The following NEO1 variants were observed in gnomAD, a reference collection of about 807,000 sequenced individuals.
NEO1 encodes the protein neogenin.
In NEO1, 63 loss-of-function variants were observed where a neutral mutation model predicts 159.7. That is an observed-to-expected ratio of 0.39 (90% CI 0.32 to 0.49). The LOEUF is 0.49. NEO1 is among the 20% of genes least tolerant of loss of function. The pLI, the probability that NEO1 is intolerant of heterozygous loss-of-function variation, is 0.85. For missense variants in NEO1, 1,615 were observed against 1,831.0 expected (o/e 0.88, Z 2.15); for synonymous variants, 633 against 662.0 (o/e 0.96, Z 0.67).
At chr15:73,119,080 T>C (rs74893085) in intron 2 of NEO1, among the ~76,000 whole-genome samples, 1,637 of 152,238 alleles carry the variant, frequency 0.011, 32 homozygotes, top group African/African-American at 0.037. Flanking sequence ...CCATATGACC[T>C]AGCAGTTCCA....
chr15:73,292,673 G>A (rs1044586047), intron 25 of NEO1, among the ~76,000 whole-genome samples: 3 of 152,212 alleles, frequency 2.0e-5, no homozygotes, highest in Admixed American at 6.5e-5. Context: ...AGTGTGGGAA[G>A]GAAAGAGCCA....
intron 5 of NEO1, among the ~76,000 whole-genome samples, chr15:73,140,753 C>G (rs956633859): frequency 1.3e-5 from 2 of 152,122 alleles, no homozygotes; most frequent in African/African-American, 4.8e-5. Flanking sequence ...GGCAAATTAT[C>G]AGCAATGAAT....
chr15:73,106,482 C>CTG (rs1166217055), intron 1 of NEO1, among the ~76,000 whole-genome samples: 1 of 152,136 alleles, frequency 6.6e-6, no homozygotes, highest in Non-Finnish European at 1.5e-5. Context: ...ATTCTACATT[C>CTG]TGTGTGTGTG....
intron 22 of NEO1, among the ~76,000 whole-genome samples, chr15:73,278,542 G>A (rs1303902983): frequency 6.6e-6 from 1 of 152,174 alleles, no homozygotes; most frequent in East Asian, 1.9e-4. Context: ...AATGCTTTTA[G>A]AATCATTAAG....
intron 7 of NEO1, among the ~76,000 whole-genome samples, chr15:73,216,779 T>G (rs2037912980): frequency 1.3e-5 from 2 of 152,202 alleles, no homozygotes; most frequent in African/African-American, 4.8e-5. Context: ...TTGATGGGGT[T>G]GTTTTTTTCT....
At chr15:73,288,771 A>G (rs1460256831) in intron 24 of NEO1, among the ~76,000 whole-genome samples, 1 of 152,138 alleles carries the variant, frequency 6.6e-6, no homozygotes, top group Non-Finnish European at 1.5e-5. Context: ...CAGATCTTTT[A>G]GGTCTCTCAT....
rs571063467 is a variant in NEO1, at chr15:73,235,913, T to C, written c.1292-434T>C. On this transcript the variant is annotated intron_variant, in intron 7 of 28. Coordinates refer to ENST00000261908, the MANE Select transcript of NEO1 (RefSeq NM_002499.4). ...AGTGAAGTCTTGTCATTTGCAAGACTTTTATGCAAAGTTTGACAGATGTTG... is the reference window on the plus strand; with the variant it reads ...AGTGAAGTCTTGTCATTTGCAAGACCTTTATGCAAAGTTTGACAGATGTTG... Among the ~76,000 whole-genome samples, 7 of 152,344 alleles carry C rather than the reference T, an allele frequency of 4.6e-5. No individual in the cohort carries two copies. The East Asian group carries it at 1.3e-3, about 29-fold the overall frequency.
chr15:73,082,258 A>G (rs1004112603), intron 1 of NEO1, among the ~76,000 whole-genome samples: 6 of 152,188 alleles, frequency 3.9e-5, no homozygotes, highest in Non-Finnish European at 8.8e-5. Context: ...CTCTTTAGAT[A>G]TGTAACATTT....
chr15:73,088,574 A>G (rs986050105), intron 1 of NEO1, among the ~76,000 whole-genome samples: 1 of 152,150 alleles, frequency 6.6e-6, no homozygotes, highest in Non-Finnish European at 1.5e-5. Flanking sequence ...AATTCAATTT[A>G]TAGAAAAGGG....
chr15:73,111,213 A>G (rs2070968073), intron 1 of NEO1, among the ~76,000 whole-genome samples: 1 of 152,324 alleles, frequency 6.6e-6, no homozygotes, highest in Middle Eastern at 3.4e-3. Flanking sequence ...TGGGCACACA[A>G]GCATCTGTAC....
At position 73,052,731 on chromosome 15, in the gene NEO1, A is replaced by C. The variant is rs1385747914; in HGVS notation, c.56A>C (p.Tyr19Ser). The change falls in exon 1 of 29, where the codon TAC (tyrosine) becomes TCC (serine). Residue 19 changes from tyrosine to serine, a missense_variant. Tyr to Ser is a moderately radical substitution (Grantham distance 144). Around this residue, in one of 3 missense-constraint regions of NEO1, gnomAD observed 1,018 missense variants for 1,115.4 expected, o/e 0.91. Coordinates refer to ENST00000261908, the MANE Select transcript of NEO1 (RefSeq NM_002499.4). ...RLLSTPSFWL[Y>S]CLLLLGRRAP... ...CTCAGCACCCCCTCCTTCTGGCTCT[A>C]CTGCCTGCTGCTGCTCGGGCGCCGG... is the stretch of plus-strand genomic sequence containing the variant. 2 of 1,332,656 alleles carry C rather than the reference A, an allele frequency of 1.5e-6. No individual in the cohort carries two copies. The highest frequency in any genetic ancestry group is 3.5e-5 in the East Asian group (1 of 28,370). The allele number at this position is 1,332,656 out of a possible 1,614,324, so 82.6% of individuals were successfully genotyped here.
At chr15:73,185,406 C>T (rs952124220) in intron 7 of NEO1, among the ~76,000 whole-genome samples, 4 of 151,776 alleles carry the variant, frequency 2.6e-5, no homozygotes, top group Non-Finnish European at 5.9e-5. Context: ...ACCTTATGCT[C>T]AGTTTTGCAA....
Position 73,298,564 on chromosome 15 carries a change from C to T in NEO1, c.4118C>T (p.Pro1373Leu). 1 of 1,614,196 alleles carries T rather than the reference C, an allele frequency of 6.2e-7. No homozygotes were observed. The highest frequency in any genetic ancestry group is 8.5e-7 in the Non-Finnish European group (1 of 1,180,048). ...CCAGCAATCCCGCCTCCAGGACCTCCCACCTATGATCCTGCATTGCCAAGC... is the reference window on the plus strand; with the variant it reads ...CCAGCAATCCCGCCTCCAGGACCTCTCACCTATGATCCTGCATTGCCAAGC... Reference protein sequence around the residue: ...AVPAIPPPGPPTYDPALPSTP... With the variant: ...AVPAIPPPGPLTYDPALPSTP... The change falls in exon 27 of 29, where the codon CCC becomes CTC. Residue 1373 changes from proline to leucine, a missense_variant. By Grantham distance (98) the Pro-to-Leu change is moderately conservative. Transcript: ENST00000261908.
Position 73,278,170 on chromosome 15 carries a change from T to C in NEO1, c.3233T>C (p.Leu1078Pro). 8 of 1,613,322 alleles carry C rather than the reference T, an allele frequency of 5.0e-6. No individual in the cohort carries two copies. Among genetic ancestry groups the C allele is most frequent in the Non-Finnish European group, 6.8e-6 (8 of 1,179,374 alleles). Residue 1078 changes from leucine to proline, a missense_variant, in exon 22 of 29, where the codon CTA (leucine) becomes CCA (proline). Physicochemically the swap from Leu to Pro is moderately conservative, Grantham distance 98. Transcript: ENST00000261908. ...GGGAAAGGAAGCCGGCTGCCAGACC[T>C]AGGATCCGACTACAAACCTCCAATG... ...SGGKGSRLPD[L>P]GSDYKPPMSG...
At chr15:73,164,078 A>G (rs151212003) in intron 5 of NEO1, among the ~76,000 whole-genome samples, 2,079 of 147,350 alleles carry the variant, frequency 0.014, 43 homozygotes, top group African/African-American at 0.05. Flanking sequence ...CCCAGGCTGG[A>G]GTGCAGTGGT....
intron 1 of NEO1, among the ~76,000 whole-genome samples, chr15:73,073,011 T>C (rs1480182143): frequency 6.6e-6 from 1 of 152,136 alleles, no homozygotes; most frequent in Non-Finnish European, 1.5e-5. Context: ...ATGCGTTTAA[T>C]TTTGGACATT....
intron 7 of NEO1, among the ~76,000 whole-genome samples, chr15:73,186,171 A>G (rs1187508044): frequency 1.5e-5 from 2 of 133,578 alleles, no homozygotes; most frequent in East Asian, 2.0e-4. Context: ...TTTTTGCCAG[A>G]AAAAAAAAAA....
chr15:73,059,112 A>G (rs1039343170), intron 1 of NEO1, among the ~76,000 whole-genome samples: 3 of 152,212 alleles, frequency 2.0e-5, no homozygotes, highest in African/African-American at 4.8e-5. Flanking sequence ...ATTTTAAGAT[A>G]CAGTATTACC....
At chr15:73,242,043 G>A (rs2039513619) in intron 8 of NEO1, among the ~76,000 whole-genome samples, 1 of 152,130 alleles carries the variant, frequency 6.6e-6, no homozygotes, top group Middle Eastern at 3.2e-3. Context: ...TCTGCTACGT[G>A]CTTCTGTCGT....
Sources: allele counts gnomAD v4.1 joint callset (sites outside exome capture counted in the v4.1 genomes callset), GRCh38; gene constraint gnomAD v4.1.1; regional missense constraint gnomAD v4.1.1; transcripts MANE v1.5; gene names NCBI Gene and HGNC (gene_info 2026-07-23, HGNC 2026-07-21).